The following PPP1R9A variants were observed in gnomAD, a reference collection of about 807,000 sequenced individuals.
PPP1R9A encodes the protein neurabin-1.
Under a neutral mutation model 141.9 loss-of-function variants are expected in PPP1R9A, and 59 were observed. The ratio of observed to expected loss-of-function variants is 0.42; its 90% confidence interval spans 0.34 to 0.52. PPP1R9A has a LOEUF of 0.52. Among genes scored for constraint, PPP1R9A ranks in the 20% least tolerant of loss-of-function variants. The pLI is 0.10. For missense variants in PPP1R9A, 1,444 were observed against 1,611.9 expected, an observed-to-expected ratio of 0.90 and a Z score of 1.78; for synonymous variants, 500 against 569.7, an observed-to-expected ratio of 0.88 and a Z score of 1.74.
chr7:95,128,070 T>C (rs1260178395), intron 4 of PPP1R9A, among the ~76,000 whole-genome samples: 4 of 152,168 alleles, frequency 2.6e-5, no homozygotes, highest in African/African-American at 9.7e-5. Context: ...GGTACTTCTG[T>C]GTTCTTTGAG....
At chr7:95,276,549 C>T (rs1264464366) in intron 16 of PPP1R9A, among the ~76,000 whole-genome samples, 2 of 152,158 alleles carry the variant, frequency 1.3e-5, no homozygotes, top group African/African-American at 2.4e-5. Context: ...CACATACCCA[C>T]ACTACAAACT....
intron 2 of PPP1R9A, among the ~76,000 whole-genome samples, chr7:94,959,859 T>C (rs1266279316): frequency 1.3e-5 from 2 of 151,758 alleles, no homozygotes; most frequent in African/African-American, 4.8e-5. Context: ...ATATTTTAAA[T>C]CTCCTCAGAA....
chr7:95,015,155 G>A, intron 2 of PPP1R9A, among the ~76,000 whole-genome samples: 1 of 151,230 alleles, frequency 6.6e-6, no homozygotes, highest in East Asian at 1.9e-4. Flanking sequence ...AATTTATAAT[G>A]GATTATCATT....
chr7:95,152,086 G>A (rs1236457555), intron 4 of PPP1R9A, among the ~76,000 whole-genome samples: 3 of 151,090 alleles, frequency 2.0e-5, no homozygotes, highest in Non-Finnish European at 4.4e-5. Context: ...TGAGTAGCTG[G>A]GACTACAGGT....
chr7:95,274,261 T>C, intron 16 of PPP1R9A, 93 bp downstream of exon 16: 8 of 1,187,770 alleles, frequency 6.7e-6, no homozygotes, highest in Non-Finnish European at 9.3e-6. Context: ...GTCAGTATCT[T>C]TGAGCTAAAG....
intron 8 of PPP1R9A, among the ~76,000 whole-genome samples, chr7:95,236,504 A>G (rs1235737611): frequency 6.6e-6 from 1 of 151,710 alleles, no homozygotes; most frequent in African/African-American, 2.4e-5. Context: ...CCTTTAGGCT[A>G]TTATACTTAT....
chr7:95,183,543 C>T lies in PPP1R9A; in HGVS notation c.1755-14806C>T, dbSNP rs1196342374. Among the ~76,000 whole-genome samples, 13 of 150,582 alleles carry T rather than the reference C, an allele frequency of 8.6e-5. 1 individual carries two copies. In the South Asian group the frequency reaches 1.3e-3, roughly 15 times the overall value. On this transcript the variant is annotated intron_variant, in intron 5 of 19. Coordinates refer to ENST00000433360, the MANE Select transcript of PPP1R9A (RefSeq NM_001166160.2). ...TTGGCTCACTGCAACCTCTGCCTCCCGGGTTCAAGTGATTCTCCTGCCTCA... is the reference window on the plus strand; with the variant it reads ...TTGGCTCACTGCAACCTCTGCCTCCTGGGTTCAAGTGATTCTCCTGCCTCA...
chr7:94,970,632 CTTT>C (rs565331782), intron 2 of PPP1R9A, among the ~76,000 whole-genome samples: 1 of 127,734 alleles, frequency 7.8e-6, no homozygotes. Context: ...TGCCAGCCAC[CTTT>C]TTTTTTTTTT....
intron 2 of PPP1R9A, among the ~76,000 whole-genome samples, chr7:94,924,792 A>G (rs1793266893): frequency 6.6e-6 from 1 of 152,088 alleles, no homozygotes; most frequent in South Asian, 2.1e-4. Context: ...GGCCTCCCAA[A>G]GTGCTGGGAT....
intron 4 of PPP1R9A, among the ~76,000 whole-genome samples, chr7:95,143,197 T>C (rs1827009245): frequency 1.3e-5 from 2 of 152,166 alleles, no homozygotes; most frequent in African/African-American, 4.8e-5. Context: ...TTATAATCAA[T>C]TTCTAATGAA....
intron 4 of PPP1R9A, among the ~76,000 whole-genome samples, chr7:95,140,912 G>T (rs1473996514): frequency 6.6e-6 from 1 of 152,044 alleles, no homozygotes; most frequent in African/African-American, 2.4e-5. Flanking sequence ...AAGAAGTGGG[G>T]CTTCGCCATG....
intron 2 of PPP1R9A, among the ~76,000 whole-genome samples, chr7:94,953,199 A>G (rs1796676190): frequency 6.6e-6 from 1 of 152,152 alleles, no homozygotes; most frequent in African/African-American, 2.4e-5. Context: ...TCCCAACACC[A>G]TTTATTAAAT....
chr7:95,176,452 C>T (rs1368709613), intron 5 of PPP1R9A: 1 of 152,396 alleles, frequency 6.6e-6, no homozygotes, highest in Non-Finnish European at 1.5e-5. Context: ...GGCTGTTTAA[C>T]ACCGCCCCTC....
At chr7:95,122,796 TATA>T (rs1822878773) in intron 4 of PPP1R9A, among the ~76,000 whole-genome samples, 1 of 152,202 alleles carries the variant, frequency 6.6e-6, no homozygotes, top group African/African-American at 2.4e-5. Flanking sequence ...ATAAATTATA[TATA>T]ATGATAGTAG....
chr7:95,104,426 ACCTTC>A (rs1288856507), intron 2 of PPP1R9A, among the ~76,000 whole-genome samples: 1 of 152,154 alleles, frequency 6.6e-6, no homozygotes, highest in African/African-American at 2.4e-5. Flanking sequence ...TGTTTTTTGC[ACCTTC>A]CAGTTAAGCA....
intron 4 of PPP1R9A, among the ~76,000 whole-genome samples, chr7:95,130,456 A>G (rs1584854732): frequency 6.6e-6 from 1 of 152,166 alleles, no homozygotes; most frequent in Non-Finnish European, 1.5e-5. Flanking sequence ...TGGGGCTCTC[A>G]TGGAGAATCT....
intron 2 of PPP1R9A, among the ~76,000 whole-genome samples, chr7:94,946,224 A>G (rs565648273): frequency 1.4e-4 from 21 of 152,268 alleles, no homozygotes; most frequent in African/African-American, 4.6e-4. Flanking sequence ...AAAATGGGGA[A>G]TAGATAAAAA....
chr7:95,218,563 T>A (rs980436754), intron 7 of PPP1R9A, among the ~76,000 whole-genome samples: 8 of 152,182 alleles, frequency 5.3e-5, no homozygotes, highest in Non-Finnish European at 1.0e-4. Flanking sequence ...ATGTTGACAG[T>A]GGGGTGTTAA....
intron 2 of PPP1R9A, among the ~76,000 whole-genome samples, chr7:94,964,433 C>A (rs1431831406): frequency 6.6e-6 from 1 of 151,968 alleles, no homozygotes; most frequent in Non-Finnish European, 1.5e-5. Context: ...TTTGCTGCAC[C>A]CATCAACCTG....
Sources: gnomAD v4.1 joint callset for allele counts (sites outside exome capture counted in the v4.1 genomes callset) on GRCh38, gnomAD v4.1.1 for gene constraint, MANE v1.5 for transcripts, NCBI Gene and HGNC (gene_info 2026-07-23, HGNC 2026-07-21) for gene names.